Variants in MGAT4C observed in about 807,000 individuals in gnomAD.
The protein encoded by MGAT4C is alpha-1,3-mannosyl-glycoprotein 4-beta-N-acetylglucosaminyltransferase C.
MGAT4C carries 19 observed loss-of-function variants against 40.1 expected under a neutral mutation model. The observed-to-expected ratio is 0.47, with a 90% confidence interval of 0.33 to 0.70. The LOEUF (loss-of-function observed/expected upper bound fraction) is 0.70. MGAT4C is among the 30% of genes least tolerant of loss of function. MGAT4C has a pLI of 0.02. For synonymous variants in MGAT4C, 181 were observed against 187.1 expected (o/e 0.97, Z 0.27); for missense variants, 491 against 563.2 (o/e 0.87, Z 1.30).
chr12:86,037,623 GTTC>G (rs1485859846), intron 2 of MGAT4C, among the ~76,000 whole-genome samples: 1 of 149,830 alleles, frequency 6.7e-6, no homozygotes, highest in African/African-American at 2.4e-5. Context: ...TTAATCCTGA[GTTC>G]TTATTTGATT....
chr12:86,085,945 G>A (rs985015290), intron 1 of MGAT4C, among the ~76,000 whole-genome samples: 1 of 152,010 alleles, frequency 6.6e-6, no homozygotes, highest in Non-Finnish European at 1.5e-5. Flanking sequence ...GTTGGTGGGA[G>A]TGTAAATTAG....
At chr12:86,549,366 A>G (rs2136394292) in intron 2 of MGAT4C, among the ~76,000 whole-genome samples, 1 of 152,318 alleles carries the variant, frequency 6.6e-6, no homozygotes, top group African/African-American at 2.4e-5. Flanking sequence ...TTGCTCACTA[A>G]TGCATATTAC....
intron 3 of MGAT4C, among the ~76,000 whole-genome samples, chr12:86,398,473 T>C (rs1336314779): frequency 1.3e-5 from 2 of 152,152 alleles, no homozygotes; most frequent in African/African-American, 2.4e-5. Context: ...CTTGATCATA[T>C]ACTATCATAG....
chr12:86,110,689 A>C (rs937252097), intron 1 of MGAT4C, among the ~76,000 whole-genome samples: 1 of 151,658 alleles, frequency 6.6e-6, no homozygotes, highest in African/African-American at 2.4e-5. Flanking sequence ...TTTTTAATGT[A>C]AAGTATAAGC....
chr12:86,316,757 G>A (rs751468870), intron 4 of MGAT4C, among the ~76,000 whole-genome samples: 31 of 152,064 alleles, frequency 2.0e-4, no homozygotes, highest in Admixed American at 7.9e-4. Context: ...CTAACTCTTG[G>A]GGACTATGCT....
intron 1 of MGAT4C, among the ~76,000 whole-genome samples, chr12:86,060,973 T>A (rs1414099370): frequency 6.6e-6 from 1 of 152,092 alleles, no homozygotes; most frequent in Non-Finnish European, 1.5e-5. Flanking sequence ...ACCCAGTTTT[T>A]TCATCCCCAA....
chr12:86,024,496 C>T (rs564652269), intron 2 of MGAT4C, among the ~76,000 whole-genome samples: 1 of 151,750 alleles, frequency 6.6e-6, no homozygotes. Context: ...TGTAAAATTA[C>T]TGCTCTTACA....
In MGAT4C at chr12:86,557,232, G is replaced by A. The variant is rs186044280; in HGVS notation, c.-228-121967C>T. The stretch of plus-strand genomic sequence containing the variant: ...ACATTTTGTATCTAAAAGCAGCAGA[G>A]TTATCCTCAGGAGAAATAAATAAAT... On this transcript the variant is annotated intron_variant, in intron 2 of 7. Transcript: ENST00000548651. Among the ~76,000 whole-genome samples the A allele has an allele frequency of 3.3e-3, 507 of 152,258 alleles. 3 individuals are homozygous for A. The highest frequency in any genetic ancestry group is 0.012 in the African/African-American group (494 of 41,550).
chr12:86,356,245 C>T (rs571667520), intron 3 of MGAT4C, among the ~76,000 whole-genome samples: 13 of 152,198 alleles, frequency 8.5e-5, no homozygotes, highest in East Asian at 1.9e-4. Context: ...ACACTACCAA[C>T]GGCAACAAAA....
chr12:86,030,408 A>T (rs56036149), intron 2 of MGAT4C, among the ~76,000 whole-genome samples: 10,761 of 151,828 alleles, frequency 0.071, 535 homozygotes, highest in Middle Eastern at 0.23. Context: ...GCTTAATGTT[A>T]GTGAGTATGA....
chr12:86,442,779 A>AAC (rs1194321719), intron 2 of MGAT4C, among the ~76,000 whole-genome samples: 1 of 151,588 alleles, frequency 6.6e-6, no homozygotes, highest in Admixed American at 6.6e-5. Context: ...CTCAAAAAAA[A>AAC]AAAAAAAGGA....
chr12:86,380,034 G>A (rs952231695), intron 3 of MGAT4C, among the ~76,000 whole-genome samples: 1 of 152,018 alleles, frequency 6.6e-6, no homozygotes. Flanking sequence ...GATATCCTAG[G>A]TATTATTTTC....
chr12:86,129,459 T>A (rs1167266785), intron 1 of MGAT4C, among the ~76,000 whole-genome samples: 2 of 151,336 alleles, frequency 1.3e-5, no homozygotes, highest in East Asian at 3.9e-4. Context: ...AAACAGAGAG[T>A]TAATTTTAAA....
chr12:86,634,207 A>G (rs908776685), intron 2 of MGAT4C, among the ~76,000 whole-genome samples: 2 of 152,144 alleles, frequency 1.3e-5, no homozygotes, highest in African/African-American at 4.8e-5. Flanking sequence ...AATTTTCTAT[A>G]CTTGAAATCA....
At chr12:86,482,067 T>TAC (rs10526768) in intron 2 of MGAT4C, among the ~76,000 whole-genome samples, 3,962 of 143,070 alleles carry the variant, frequency 0.028, 60 homozygotes, top group Middle Eastern at 0.044. Flanking sequence ...AACATGTCAC[T>TAC]ACACACACAC....
chr12:86,274,450 A>C (rs1287625253), intron 4 of MGAT4C, among the ~76,000 whole-genome samples: 1 of 152,146 alleles, frequency 6.6e-6, no homozygotes, highest in African/African-American at 2.4e-5. Flanking sequence ...ATTGTGCTAG[A>C]GATTATATTT....
chr12:86,742,088 A>G (rs1004556921), intron 1 of MGAT4C, among the ~76,000 whole-genome samples: 1 of 151,272 alleles, frequency 6.6e-6, no homozygotes, highest in East Asian at 2.0e-4. Flanking sequence ...TCTTATTTCT[A>G]TGGTTTCTTG....
chr12:86,187,764 T>G (rs75060692), intron 1 of MGAT4C, among the ~76,000 whole-genome samples: 5 of 147,190 alleles, frequency 3.4e-5, no homozygotes, highest in African/African-American at 7.5e-5. Context: ...AAAAAAAAAA[T>G]GTCATTTTTC....
chr12:86,098,487 T>C (rs1874344580), intron 1 of MGAT4C, among the ~76,000 whole-genome samples: 1 of 151,606 alleles, frequency 6.6e-6, no homozygotes, highest in Admixed American at 6.6e-5. Flanking sequence ...ATTGGCTTCT[T>C]TTTGTGCATT....
Sources: gnomAD v4.1 joint callset for allele counts (sites outside exome capture counted in the v4.1 genomes callset) on GRCh38, gnomAD v4.1.1 for gene constraint, MANE v1.5 for transcripts, NCBI Gene and HGNC (gene_info 2026-07-23, HGNC 2026-07-21) for gene names.